The following DOCK8 variants were observed in gnomAD, a reference collection of about 807,000 sequenced individuals.
DOCK8 encodes the protein dedicator of cytokinesis 8.
A neutral mutation model predicts 245.6 loss-of-function variants in DOCK8; 141 were observed. The ratio of observed to expected loss-of-function variants is 0.57; its 90% confidence interval spans 0.50 to 0.66. DOCK8 has a LOEUF of 0.66. DOCK8 is among the 30% of genes least tolerant of loss of function. The pLI, the probability that DOCK8 is intolerant of heterozygous loss-of-function variation, is 0.00. For synonymous variants in DOCK8, 1,168 were observed against 970.2 expected (o/e 1.20, Z -3.79); for missense variants, 2,965 against 2,603.4 (o/e 1.14, Z -3.02).
At chr9:420,327 G>T in intron 30 of DOCK8, 74 bp from the exon 31 acceptor site, 1 of 1,524,116 alleles carries the variant, frequency 6.6e-7, no homozygotes, top group South Asian at 1.1e-5. Flanking sequence ...TCTGTTGCTT[G>T]ACTGTTAAGC....
chr9:296,934 G>C (rs189657881), intron 4 of DOCK8, among the ~76,000 whole-genome samples: 5 of 152,070 alleles, frequency 3.3e-5, no homozygotes, highest in Non-Finnish European at 2.9e-5. Context: ...ACACCATGTG[G>C]GTTCTGATTT....
chr9:372,231 G>C lies in DOCK8; in HGVS notation c.2054G>C (p.Cys685Ser). Residue 685 changes from cysteine to serine, a missense_variant, in exon 18 of 48, where the codon TGT becomes TCT. By Grantham distance (112) the Cys-to-Ser change is moderately radical. Transcript: ENST00000432829. The part of the protein sequence containing the change: ...LNERLQTGSY[C>S]LPVALEKLPP... ...GAACGTCTTCAAACTGGATCCTACT[G>C]TCTCCCAGTTGCCTTGGAAAAATTG... is the stretch of plus-strand genomic sequence containing the variant. 1 of 1,614,058 alleles carries C rather than the reference G, an allele frequency of 6.2e-7. No homozygotes were observed. Among genetic ancestry groups the C allele is most frequent in the Non-Finnish European group, 8.5e-7 (1 of 1,180,018 alleles).
At chr9:273,925 C>G (rs1340296640) in intron 2 of DOCK8, among the ~76,000 whole-genome samples, 2 of 152,092 alleles carry the variant, frequency 1.3e-5, no homozygotes, top group African/African-American at 4.8e-5. Context: ...GGGCTGGTCT[C>G]TAACTCCTGA....
At chr9:250,373 G>A (rs1486074354) in intron 1 of DOCK8, among the ~76,000 whole-genome samples, 1 of 152,110 alleles carries the variant, frequency 6.6e-6, no homozygotes, top group Non-Finnish European at 1.5e-5. Context: ...CTTTGACATT[G>A]TCCCTTCAAG....
At chr9:330,345 T>C (rs768280604) in intron 9 of DOCK8, among the ~76,000 whole-genome samples, 1 of 152,198 alleles carries the variant, frequency 6.6e-6, no homozygotes, top group Non-Finnish European at 1.5e-5. Flanking sequence ...CCTATCCTTA[T>C]GTAAGGGCCA....
intron 26 of DOCK8, among the ~76,000 whole-genome samples, chr9:403,152 G>A (rs1235738150): frequency 2.0e-5 from 3 of 152,126 alleles, no homozygotes; most frequent in South Asian, 4.1e-4. Flanking sequence ...GCCTCCCGAA[G>A]TGCTGGGATT....
chr9:417,930 A>C, intron 29 of DOCK8, 138 bp from the exon 30 acceptor site: 2 of 998,876 alleles, frequency 2.0e-6, no homozygotes, highest in Non-Finnish European at 3.1e-6. Flanking sequence ...AGGTGATAGC[A>C]GATACATAAT....
At chr9:307,008 A>G (rs2130627890) in intron 5 of DOCK8, among the ~76,000 whole-genome samples, 1 of 152,286 alleles carries the variant, frequency 6.6e-6, no homozygotes, top group East Asian at 1.9e-4. Context: ...AGGTAAGATA[A>G]GGGTGATTCT....
At chr9:386,719 G>C (rs1202993676) in intron 23 of DOCK8, among the ~76,000 whole-genome samples, 2 of 152,134 alleles carry the variant, frequency 1.3e-5, no homozygotes, top group South Asian at 2.1e-4. Context: ...CAATAGATCT[G>C]AGCTGGAGGC....
At chr9:452,292 C>T (rs1043406412) in intron 46 of DOCK8, among the ~76,000 whole-genome samples, 175 bp downstream of exon 46, 3 of 152,034 alleles carry the variant, frequency 2.0e-5, no homozygotes, top group African/African-American at 7.3e-5. Context: ...GCAGTTTAAC[C>T]CGCCCTCCAG....
intron 44 of DOCK8, among the ~76,000 whole-genome samples, chr9:449,121 C>CG (rs2057352932): frequency 6.6e-6 from 1 of 152,050 alleles, no homozygotes; most frequent in Non-Finnish European, 1.5e-5. Context: ...GAGGCCGAGG[C>CG]AGGGGGATTG....
At chr9:303,866 A>G (rs962420515) in intron 4 of DOCK8, among the ~76,000 whole-genome samples, 3 of 152,226 alleles carry the variant, frequency 2.0e-5, no homozygotes, top group African/African-American at 7.2e-5. Context: ...GTGTTTGTGC[A>G]CTTGACTTTG....
intron 33 of DOCK8, among the ~76,000 whole-genome samples, chr9:424,022 A>T (rs968124993): frequency 4.7e-5 from 7 of 150,522 alleles, no homozygotes; most frequent in Non-Finnish European, 8.8e-5. Flanking sequence ...TGGTTGTCAG[A>T]GCTAATGATT....
chr9:428,529 A>G lies in DOCK8; in HGVS notation c.4473+33A>G, dbSNP rs754696284. 29 of 1,612,768 alleles carry G rather than the reference A, an allele frequency of 1.8e-5. 1 individual carries two copies. The East Asian group carries it at 6.0e-4, about 33-fold the overall frequency. ...TGGGATGCTTGTTTTCTTCCTCTTA[A>G]TTAAGAGTAAGATTCTCATCTAGCT... is the stretch of plus-strand genomic sequence containing the variant. On this transcript the variant is annotated intron_variant, in intron 35 of 47. Transcript: ENST00000432829.
At chr9:417,921 G>C (rs1298723509) in intron 29 of DOCK8, 147 bp from the exon 30 acceptor site, 1 of 934,406 alleles carries the variant, frequency 1.1e-6, no homozygotes, top group African/African-American at 1.6e-5. Context: ...TTTTCCTATA[G>C]GTGATAGCAG....
intron 1 of DOCK8, among the ~76,000 whole-genome samples, chr9:227,719 T>G (rs1013777836): frequency 1.1e-4 from 16 of 152,156 alleles, no homozygotes; most frequent in Non-Finnish European, 2.4e-4. Flanking sequence ...TGGAAAATGT[T>G]GATTAAAAAG....
In DOCK8 at chr9:439,372, C is replaced by G. The variant is rs139990627; in HGVS notation, c.5207C>G (p.Ala1736Gly). The G allele has an allele frequency of 9.3e-6, 15 of 1,613,528 alleles. No individual in the cohort carries two copies. Among genetic ancestry groups the G allele is most frequent in the Middle Eastern group, 1.7e-4 (1 of 6,010 alleles). Residue 1736 changes from alanine to glycine, a missense_variant, in exon 40 of 48, where the codon GCG (alanine) becomes GGG (glycine). Physicochemically the swap from Ala to Gly is moderately conservative, Grantham distance 60. This residue lies in a region of DOCK8 where 2,825 missense variants were observed against 2,453.5 expected (regional missense o/e 1.15). Transcript: ENST00000432829. The stretch of plus-strand genomic sequence containing the variant: ...CTGGTAGGCCTCCTGGAGCAGGCCG[C>G]GGAGCTCTTCAGCACGGTCAGTGCC... ...SGLVGLLEQA[A>G]ELFSTGGLYE...
At chr9:420,287 A>C (rs2056220433) in intron 30 of DOCK8, 114 bp from the exon 31 acceptor site, 1 of 1,120,090 alleles carries the variant, frequency 8.9e-7, no homozygotes, top group Non-Finnish European at 1.3e-6. Flanking sequence ...ATGTACAGTC[A>C]TGGTATTTTA....
At chr9:248,745 T>C (rs2047574375) in intron 1 of DOCK8, among the ~76,000 whole-genome samples, 1 of 152,210 alleles carries the variant, frequency 6.6e-6, no homozygotes, top group East Asian at 1.9e-4. Context: ...AATTGGTTTG[T>C]GGCTGTAAGT....
Sources: gnomAD v4.1 joint callset for allele counts (sites outside exome capture counted in the v4.1 genomes callset) on GRCh38, gnomAD v4.1.1 for gene constraint, gnomAD v4.1.1 regional missense constraint, MANE v1.5 for transcripts, NCBI Gene and HGNC (gene_info 2026-07-23, HGNC 2026-07-21) for gene names.